Variants in G2E3 observed in about 807,000 individuals in gnomAD.
The protein encoded by G2E3 is G2/M phase-specific E3 ubiquitin-protein ligase.
A neutral mutation model predicts 92.8 loss-of-function variants in G2E3; 35 were observed. That is an observed-to-expected ratio of 0.38 (90% CI 0.29 to 0.50). G2E3 has a LOEUF of 0.50. Ranked by LOEUF, G2E3 falls within the 20% of genes least tolerant of loss-of-function variation. G2E3 has a pLI of 0.94. For synonymous variants in G2E3, 242 were observed against 272.4 expected, an observed-to-expected ratio of 0.89 and a Z score of 1.10; for missense variants, 554 against 823.8, an observed-to-expected ratio of 0.67 and a Z score of 4.01.
intron 1 of G2E3, among the ~76,000 whole-genome samples, chr14:30,567,948 A>G (rs1040815553): frequency 5.9e-5 from 9 of 152,154 alleles, no homozygotes; most frequent in Non-Finnish European, 1.3e-4. Context: ...TTTGTGGTCT[A>G]ACATGGTATA....
intron 1 of G2E3, 199 bp from the exon 2 acceptor site, chr14:30,580,877 C>T: frequency 2.0e-6 from 1 of 498,146 alleles, no homozygotes; most frequent in East Asian, 3.8e-5. Context: ...AAAAACATTC[C>T]CTTCAATTTA....
intron 11 of G2E3, among the ~76,000 whole-genome samples, chr14:30,607,342 C>A (rs530548831): frequency 6.6e-6 from 1 of 151,884 alleles, no homozygotes; most frequent in Non-Finnish European, 1.5e-5. Flanking sequence ...AGTATACTTA[C>A]GCAAACCTAG....
At chr14:30,592,491 A>C in intron 5 of G2E3, 44 bp downstream of exon 5, 1 of 1,388,296 alleles carries the variant, frequency 7.2e-7, no homozygotes, top group South Asian at 1.4e-5. Context: ...GTGTTAAAGA[A>C]TAGTGGAAAA....
intron 6 of G2E3, among the ~76,000 whole-genome samples, chr14:30,596,105 C>T (rs1211151451): frequency 1.2e-5 from 1 of 82,174 alleles, no homozygotes; most frequent in Non-Finnish European, 2.2e-5. Flanking sequence ...GTTTCCCTCC[C>T]TTATATGGGT....
chr14:30,606,552 T>A (rs1881840405), intron 11 of G2E3, among the ~76,000 whole-genome samples: 1 of 152,090 alleles, frequency 6.6e-6, no homozygotes, highest in Non-Finnish European at 1.5e-5. Context: ...GAAAAAACTT[T>A]CCAAATAGTA....
At chr14:30,612,493 A>T in intron 13 of G2E3, 114 bp downstream of exon 13, 1 of 663,764 alleles carries the variant, frequency 1.5e-6, no homozygotes, top group Middle Eastern at 4.2e-4. Flanking sequence ...TCAGAAAAAA[A>T]TTTAAATGCT....
chr14:30,568,095 T>G (rs1223947870), intron 1 of G2E3, among the ~76,000 whole-genome samples: 4 of 152,130 alleles, frequency 2.6e-5, no homozygotes, highest in Non-Finnish European at 5.9e-5. Context: ...TTGGGGCTCT[T>G]ATTAGGTGGG....
chr14:30,599,071 T>C (rs374552919), intron 8 of G2E3, among the ~76,000 whole-genome samples: 1 of 152,194 alleles, frequency 6.6e-6, no homozygotes, highest in East Asian at 1.9e-4. Flanking sequence ...CCTCCCTCCT[T>C]GGCTTGCAGA....
At chr14:30,587,343 C>T (rs1880767217) in intron 3 of G2E3, among the ~76,000 whole-genome samples, 1 of 152,108 alleles carries the variant, frequency 6.6e-6, no homozygotes, top group Non-Finnish European at 1.5e-5. Flanking sequence ...CTTTGTTCCC[C>T]CTCCCCTCCA....
At chr14:30,610,586 G>T (rs1215339265) in intron 12 of G2E3, among the ~76,000 whole-genome samples, 1 of 152,198 alleles carries the variant, frequency 6.6e-6, no homozygotes, top group Non-Finnish European at 1.5e-5. Flanking sequence ...ATGGGCAACA[G>T]AGTGAGACTC....
chr14:30,590,692 G>T (rs1308122612), intron 4 of G2E3: 2 of 455,764 alleles, frequency 4.4e-6, no homozygotes, highest in African/African-American at 4.0e-5. Context: ...AAAAACAGAG[G>T]TTCTAGGGCA....
intron 13 of G2E3, among the ~76,000 whole-genome samples, chr14:30,613,654 A>G (rs548150205): frequency 3.1e-4 from 47 of 152,100 alleles, no homozygotes; most frequent in Middle Eastern, 3.4e-3. Flanking sequence ...CATTGAACCC[A>G]AATTAGAAAA....
intron 6 of G2E3, 63 bp from the exon 7 acceptor site, chr14:30,597,357 A>G (rs1416711163): frequency 3.6e-6 from 3 of 831,612 alleles, no homozygotes; most frequent in Non-Finnish European, 6.3e-6. Flanking sequence ...GTTCTGTTAC[A>G]TAATATATCA....
chr14:30,580,213 T>G (rs117809156), intron 1 of G2E3, among the ~76,000 whole-genome samples: 2,658 of 152,014 alleles, frequency 0.017, 29 homozygotes, highest in Middle Eastern at 0.027. Flanking sequence ...TTTTTTTTTG[T>G]TGTTGTTTTT....
At chr14:30,573,007 C>CTT (rs11411112) in intron 1 of G2E3, among the ~76,000 whole-genome samples, 2,508 of 151,062 alleles carry the variant, frequency 0.017, 86 homozygotes, top group African/African-American at 0.057. Context: ...GTTTTATGTA[C>CTT]TTTTTTTTTG....
intron 10 of G2E3, among the ~76,000 whole-genome samples, chr14:30,603,318 T>A (rs1594504277): frequency 6.7e-6 from 1 of 148,360 alleles, no homozygotes; most frequent in African/African-American, 2.5e-5. Flanking sequence ...GAGCCGAGAC[T>A]CTGTCTCAAA....
intron 12 of G2E3, among the ~76,000 whole-genome samples, chr14:30,611,031 C>CT (rs892189964): frequency 6.6e-6 from 1 of 152,250 alleles, no homozygotes; most frequent in African/African-American, 2.4e-5. Flanking sequence ...ACAAAACCGT[C>CT]TAAGGACTTG....
intron 1 of G2E3, among the ~76,000 whole-genome samples, chr14:30,576,487 A>G (rs1051880310): frequency 6.6e-6 from 1 of 152,200 alleles, no homozygotes; most frequent in African/African-American, 2.4e-5. Flanking sequence ...AGGACTCCAA[A>G]ACCAATCGCA....
At chr14:30,585,865 T>A (rs1406562429) in intron 2 of G2E3, among the ~76,000 whole-genome samples, 3 of 152,178 alleles carry the variant, frequency 2.0e-5, no homozygotes, top group Non-Finnish European at 4.4e-5. Flanking sequence ...AGCTTAGGAT[T>A]TCTTGGGTCA....
Sources: gnomAD v4.1 joint callset for allele counts (sites outside exome capture counted in the v4.1 genomes callset) on GRCh38, gnomAD v4.1.1 for gene constraint, MANE v1.5 for transcripts, NCBI Gene and HGNC (gene_info 2026-07-23, HGNC 2026-07-21) for gene names.